ARHGAP11B: variants seen among roughly 807,000 people sequenced by gnomAD.
ARHGAP11B encodes the protein Rho GTPase activating protein 11B.
ARHGAP11B carries 14 observed loss-of-function variants against 27.6 expected under a neutral mutation model. The observed-to-expected ratio is 0.51, with a 90% CI of 0.34 to 0.79. The LOEUF is 0.79. ARHGAP11B is among the 30% of genes least tolerant of loss of function. The pLI is 0.02. For missense variants in ARHGAP11B, 245 were observed against 320.1 expected, an observed-to-expected ratio of 0.77 and a Z score of 1.79; for synonymous variants, 82 against 114.1, an observed-to-expected ratio of 0.72 and a Z score of 1.80.
At chr15:30,645,484 G>A (rs1171186397) in intron 8 of ARHGAP11B, among the ~76,000 whole-genome samples, 3 of 151,954 alleles carry the variant, frequency 2.0e-5, no homozygotes, top group East Asian at 3.9e-4. Flanking sequence ...GTCTATTTAT[G>A]CAAACCTAGA....
chr15:30,643,176 G>A (rs2060325187), intron 7 of ARHGAP11B, among the ~76,000 whole-genome samples: 1 of 151,606 alleles, frequency 6.6e-6, no homozygotes, highest in Admixed American at 6.6e-5. Flanking sequence ...CCACATTACA[G>A]TTTGTTGTTA....
intron 7 of ARHGAP11B, among the ~76,000 whole-genome samples, chr15:30,642,499 G>T (rs913675212): frequency 2.6e-5 from 4 of 151,998 alleles, no homozygotes; most frequent in Non-Finnish European, 5.9e-5. Flanking sequence ...AGTCAGGTGG[G>T]TAGCAGTTGG....
chr15:30,632,491 A>T (rs1488189862), intron 2 of ARHGAP11B, among the ~76,000 whole-genome samples: 1 of 151,918 alleles, frequency 6.6e-6, no homozygotes, highest in Non-Finnish European at 1.5e-5. Context: ...AATCATGACT[A>T]AATCTTCATT....
chr15:30,639,569 A>G (rs1251522733), intron 7 of ARHGAP11B, among the ~76,000 whole-genome samples: 1 of 152,004 alleles, frequency 6.6e-6, no homozygotes, highest in East Asian at 1.9e-4. Flanking sequence ...ATATGTTGTC[A>G]ACTCTGCAGT....
At chr15:30,648,847 G>A (rs1173661657) in exon 11 of ARHGAP11B, 1 of 151,708 alleles carries the variant, frequency 6.6e-6, no homozygotes, top group African/African-American at 2.4e-5. Flanking sequence ...TAATAATAAG[G>A]GTAATTCTTA....
At chr15:30,633,224 T>C (rs540211047) in intron 2 of ARHGAP11B, among the ~76,000 whole-genome samples, 1 of 151,536 alleles carries the variant, frequency 6.6e-6, no homozygotes, top group South Asian at 2.1e-4. Context: ...AGTCTTACGC[T>C]CTGAAGGGAA....
At chr15:30,648,016 T>G (rs1339311400) in intron 10 of ARHGAP11B, among the ~76,000 whole-genome samples, 1 of 151,966 alleles carries the variant, frequency 6.6e-6, no homozygotes. Flanking sequence ...CCAGGCTGGT[T>G]TCCAACTCCT....
exon 11 of ARHGAP11B, among the ~76,000 whole-genome samples, chr15:30,648,378 G>T (rs2060364764): frequency 2.0e-5 from 3 of 151,958 alleles, no homozygotes; most frequent in Admixed American, 1.3e-4. Context: ...TGTAAGACTT[G>T]GCCAAATGAT....
intron 7 of ARHGAP11B, among the ~76,000 whole-genome samples, chr15:30,639,993 T>TGTGCGC (rs1485391347): frequency 6.6e-6 from 1 of 151,556 alleles, no homozygotes; most frequent in African/African-American, 2.4e-5. Context: ...TGTGTGTGTG[T>TGTGCGC]GTGTGTGTGT....
At chr15:30,632,056 G>A (rs1231892467) in intron 2 of ARHGAP11B, among the ~76,000 whole-genome samples, 1 of 145,938 alleles carries the variant, frequency 6.9e-6, no homozygotes, top group Non-Finnish European at 1.5e-5. Flanking sequence ...AAAGTGCTAG[G>A]ATTACAGGCG....
At chr15:30,644,387 G>A (rs1420943552) in intron 7 of ARHGAP11B, among the ~76,000 whole-genome samples, 2 of 152,014 alleles carry the variant, frequency 1.3e-5, no homozygotes, top group Admixed American at 1.3e-4. Context: ...TAAAGAGTAA[G>A]CCAAGATAGG....
At chr15:30,630,503 C>G (rs548660702) in intron 1 of ARHGAP11B, among the ~76,000 whole-genome samples, 200 bp from the exon 2 acceptor site, 2 of 151,996 alleles carry the variant, frequency 1.3e-5, no homozygotes, top group East Asian at 3.9e-4. Context: ...TCTTTGTACT[C>G]CCAGCACTCA....
chr15:30,644,721 T>TA (rs1286374630), intron 8 of ARHGAP11B: 5 of 1,496,616 alleles, frequency 3.3e-6, no homozygotes, highest in Non-Finnish European at 4.6e-6. Flanking sequence ...ATAAAGGACT[T>TA]ATCGAACATG....
chr15:30,631,353 C>CT (rs59873709), intron 2 of ARHGAP11B, among the ~76,000 whole-genome samples: 3,448 of 151,586 alleles, frequency 0.023, 115 homozygotes, highest in African/African-American at 0.079. Context: ...ATAATTTTGC[C>CT]TTTTTTTTGT....
exon 11 of ARHGAP11B, chr15:30,649,010 C>T (rs375038471): frequency 1.2e-3 from 179 of 152,094 alleles, no homozygotes; most frequent in African/African-American, 4.2e-3. Context: ...TTATTTAAAA[C>T]ATGTTATACC....
At chr15:30,629,863 A>C (rs1056953310) in intron 1 of ARHGAP11B, among the ~76,000 whole-genome samples, 1 of 152,088 alleles carries the variant, frequency 6.6e-6, no homozygotes, top group African/African-American at 2.4e-5. Context: ...ATGCATACCC[A>C]CTTAAGTTTG....
At position 30,626,641 on chromosome 15, in the gene ARHGAP11B, T is replaced by G; in HGVS notation, c.-180T>G. 1.3e-6 allele frequency: 1 copy of G among 778,640 alleles called. No individual in the cohort carries two copies. The highest frequency in any genetic ancestry group is 2.0e-6 in the Non-Finnish European group (1 of 494,584). The allele number at this position is 778,640 out of a possible 1,614,324, so 48.2% of individuals were successfully genotyped here. On this transcript the variant is annotated 5_prime_UTR_variant, in exon 1 of 11. An upstream open reading frame in the 5' UTR loses its in-frame stop. Coordinates refer to ENST00000428041, the Ensembl canonical transcript of ARHGAP11B. ...AGAAGCGGGTCTGTGTAAGTGGATG[T>G]GAGTGAGGATCAAGGAAAAGCCGTG...
intron 6 of ARHGAP11B, among the ~76,000 whole-genome samples, chr15:30,637,571 A>G (rs1339071031): frequency 6.6e-6 from 1 of 151,924 alleles, no homozygotes; most frequent in Non-Finnish European, 1.5e-5. Flanking sequence ...CGTCTCTACT[A>G]AGAATATAAA....
At chr15:30,641,049 C>T (rs928695447) in intron 7 of ARHGAP11B, among the ~76,000 whole-genome samples, 1 of 151,802 alleles carries the variant, frequency 6.6e-6, no homozygotes, top group East Asian at 1.9e-4. Flanking sequence ...TTCTCCTCCT[C>T]CAAGCTCCCA....
Sources: allele counts gnomAD v4.1 joint callset (sites outside exome capture counted in the v4.1 genomes callset), GRCh38; gene constraint gnomAD v4.1.1; transcripts MANE v1.5; gene names NCBI Gene and HGNC (gene_info 2026-07-23, HGNC 2026-07-21).